The following CDKAL1 variants were observed in gnomAD, a reference collection of about 807,000 sequenced individuals.
CDKAL1 encodes threonylcarbamoyladenosine tRNA methylthiotransferase.
In CDKAL1, 32 loss-of-function variants were observed where a neutral mutation model predicts 68.2. The ratio of observed to expected loss-of-function variants is 0.47; its 90% confidence interval spans 0.35 to 0.63. The LOEUF (loss-of-function observed/expected upper bound fraction) is 0.63. CDKAL1 is among the 30% of genes least tolerant of loss of function. The pLI, the probability that CDKAL1 is intolerant of heterozygous loss-of-function variation, is 0.00. For missense variants in CDKAL1, 606 were observed against 696.7 expected, an observed-to-expected ratio of 0.87 and a Z score of 1.47; for synonymous variants, 234 against 244.3, an observed-to-expected ratio of 0.96 and a Z score of 0.39.
intron 7 of CDKAL1, among the ~76,000 whole-genome samples, chr6:20,762,890 A>T (rs1474093243): frequency 6.6e-6 from 1 of 152,158 alleles, no homozygotes; most frequent in Non-Finnish European, 1.5e-5. Context: ...TTACCCACCA[A>T]GTTAATTTGG....
intron 13 of CDKAL1, among the ~76,000 whole-genome samples, chr6:21,189,576 C>T (rs1039124382): frequency 4.6e-5 from 7 of 152,212 alleles, no homozygotes; most frequent in African/African-American, 1.7e-4. Flanking sequence ...CCAACATCTT[C>T]TCTTAAGAAC....
chr6:20,981,965 T>G (rs938264179), intron 10 of CDKAL1, among the ~76,000 whole-genome samples: 1 of 152,256 alleles, frequency 6.6e-6, no homozygotes, highest in Non-Finnish European at 1.5e-5. Flanking sequence ...CTTCTATATT[T>G]GCAGTCTCTA....
At chr6:21,157,829 T>C (rs912256314) in intron 13 of CDKAL1, among the ~76,000 whole-genome samples, 4 of 152,256 alleles carry the variant, frequency 2.6e-5, no homozygotes, top group Non-Finnish European at 5.9e-5. Context: ...TCTCACTCCA[T>C]AAGCAACATC....
intron 11 of CDKAL1, among the ~76,000 whole-genome samples, chr6:21,032,538 TAAA>T (rs1488710007): frequency 6.6e-5 from 10 of 152,350 alleles, no homozygotes; most frequent in African/African-American, 9.6e-5. Flanking sequence ...ACTTTTTATA[TAAA>T]GTAATGTGCT....
At chr6:21,227,946 C>CT (rs1779813469) in intron 15 of CDKAL1, among the ~76,000 whole-genome samples, 1 of 152,210 alleles carries the variant, frequency 6.6e-6, no homozygotes, top group South Asian at 2.1e-4. Flanking sequence ...AGTACCTGCA[C>CT]TGCTTCATGA....
chr6:20,650,502 A>G (rs9969037), intron 5 of CDKAL1, among the ~76,000 whole-genome samples: 28,685 of 151,868 alleles, frequency 0.19, 2,947 homozygotes, highest in African/African-American at 0.24. Flanking sequence ...CTCCCATTCT[A>G]TAGGTTGTCT....
At chr6:21,068,617 G>A (rs1253980884) in intron 12 of CDKAL1, among the ~76,000 whole-genome samples, 1 of 152,078 alleles carries the variant, frequency 6.6e-6, no homozygotes, top group Non-Finnish European at 1.5e-5. Flanking sequence ...CCATACACAG[G>A]TTAACTACCA....
At chr6:21,117,540 G>A (rs1774480268) in intron 13 of CDKAL1, among the ~76,000 whole-genome samples, 1 of 152,004 alleles carries the variant, frequency 6.6e-6, no homozygotes, top group Admixed American at 6.6e-5. Flanking sequence ...GGGAGCCTAA[G>A]GTGGGAGGAT....
chr6:20,627,462 T>A (rs1380929155), intron 4 of CDKAL1, among the ~76,000 whole-genome samples: 2 of 152,280 alleles, frequency 1.3e-5, no homozygotes, highest in East Asian at 3.9e-4. Flanking sequence ...GAGGTTTCCC[T>A]TGGTCACATC....
chr6:21,025,190 T>C (rs169293), intron 11 of CDKAL1, among the ~76,000 whole-genome samples: 16,236 of 152,238 alleles, frequency 0.11, 975 homozygotes, highest in Middle Eastern at 0.16. Context: ...GATTGTACAA[T>C]CAGTCACCTC....
rs182074972 is a variant in CDKAL1 at position 20,558,648 on chromosome 6, C to T, written c.286+9943C>T. On this transcript the variant is annotated intron_variant, in intron 4 of 15. Transcript: ENST00000274695. ...AGGAATTGAGTTAAGAAGATTTGTT[C>T]ATCACACCACATTTCCATGTTGTTG... 1.1e-5 allele frequency: 5 copies of T among 454,144 alleles called. No individual in the cohort carries two copies. The East Asian group carries it at 2.8e-4, about 25-fold the overall frequency. 28.1% of individuals were successfully genotyped at this position (454,144 alleles called of 1,614,324 possible).
At chr6:20,784,770 C>T (rs1775597727) in intron 8 of CDKAL1, among the ~76,000 whole-genome samples, 1 of 151,980 alleles carries the variant, frequency 6.6e-6, no homozygotes, top group Non-Finnish European at 1.5e-5. Context: ...ATATGGCACA[C>T]ACATGGATAC....
At chr6:20,782,880 A>G (rs750681622) in intron 8 of CDKAL1, among the ~76,000 whole-genome samples, 1 of 152,198 alleles carries the variant, frequency 6.6e-6, no homozygotes, top group Non-Finnish European at 1.5e-5. Context: ...AAATTGGACA[A>G]TAATATTTGG....
intron 9 of CDKAL1, among the ~76,000 whole-genome samples, chr6:20,867,272 G>A (rs777174535): frequency 2.2e-4 from 34 of 152,142 alleles, no homozygotes; most frequent in African/African-American, 2.9e-4. Context: ...GATTGTCACC[G>A]AAAGGAAAGC....
At chr6:20,988,991 G>A (rs1766645118) in intron 10 of CDKAL1, among the ~76,000 whole-genome samples, 1 of 151,730 alleles carries the variant, frequency 6.6e-6, no homozygotes, top group South Asian at 2.1e-4. Flanking sequence ...TTATCCTGAA[G>A]TAGCGCGTGT....
chr6:20,580,590 T>C (rs562186570), intron 4 of CDKAL1, among the ~76,000 whole-genome samples: 46 of 152,312 alleles, frequency 3.0e-4, no homozygotes, highest in African/African-American at 7.9e-4. Flanking sequence ...TTTTTACTTC[T>C]GTTTGGTCTT....
intron 13 of CDKAL1, among the ~76,000 whole-genome samples, chr6:21,178,144 A>G (rs1201159320): frequency 6.6e-6 from 1 of 152,142 alleles, no homozygotes; most frequent in South Asian, 2.1e-4. Context: ...ACAGGAGAAG[A>G]TGAGAGATGG....
chr6:20,966,088 A>G (rs905830743), intron 10 of CDKAL1, among the ~76,000 whole-genome samples: 2 of 149,884 alleles, frequency 1.3e-5, no homozygotes, highest in African/African-American at 5.1e-5. Context: ...GTGATTCATG[A>G]TCTAGAACAG....
chr6:21,149,251 T>C (rs1418732951), intron 13 of CDKAL1, among the ~76,000 whole-genome samples: 1 of 152,186 alleles, frequency 6.6e-6, no homozygotes, highest in African/African-American at 2.4e-5. Context: ...GCGTTTCTCC[T>C]GCCTCAGCCT....
Sources: gnomAD v4.1 joint callset for allele counts (sites outside exome capture counted in the v4.1 genomes callset) on GRCh38, gnomAD v4.1.1 for gene constraint, MANE v1.5 for transcripts, NCBI Gene and HGNC (gene_info 2026-07-23, HGNC 2026-07-21) for gene names.